SGK3: variants seen among roughly 807,000 people sequenced by gnomAD.
SGK3 encodes the protein serum/glucocorticoid regulated kinase family member 3.
SGK3 carries 47 observed loss-of-function variants against 68.5 expected under a neutral mutation model. The observed-to-expected ratio is 0.69, with a 90% CI of 0.54 to 0.87. SGK3 has a LOEUF of 0.87. Ranked by LOEUF, SGK3 falls within the 40% of genes least tolerant of loss-of-function variation. SGK3 has a pLI of 0.00. For synonymous variants in SGK3, 181 were observed against 189.1 expected, an observed-to-expected ratio of 0.96 and a Z score of 0.35; for missense variants, 479 against 575.5, an observed-to-expected ratio of 0.83 and a Z score of 1.72.
chr8:66,822,304 C>A, intron 5 of SGK3, 68 bp from the exon 6 acceptor site: 1 of 1,407,348 alleles, frequency 7.1e-7, no homozygotes, highest in Admixed American at 2.3e-5. Context: ...TTTTGATTTT[C>A]ATTTTAAAAG....
intron 5 of SGK3, among the ~76,000 whole-genome samples, chr8:66,814,335 TAAAC>T (rs1808496022): frequency 2.0e-5 from 3 of 152,172 alleles, no homozygotes; most frequent in Admixed American, 2.0e-4. Context: ...CATATATTAA[TAAAC>T]AAGTAATTGA....
At chr8:66,743,789 A>C (rs1563605126) in intron 1 of SGK3, among the ~76,000 whole-genome samples, 1 of 152,254 alleles carries the variant, frequency 6.6e-6, no homozygotes, top group Non-Finnish European at 1.5e-5. Flanking sequence ...CTGAGATTAC[A>C]GGCGTGAGCT....
At chr8:66,829,714 A>T (rs1022545480) in intron 7 of SGK3, among the ~76,000 whole-genome samples, 2 of 152,288 alleles carry the variant, frequency 1.3e-5, no homozygotes, top group Non-Finnish European at 2.9e-5. Context: ...AGAGGAGAGG[A>T]CAGCGGGTAG....
At chr8:66,810,149 T>C (rs749915936) in intron 4 of SGK3, among the ~76,000 whole-genome samples, 7 of 152,126 alleles carry the variant, frequency 4.6e-5, no homozygotes, top group Admixed American at 6.6e-5. Flanking sequence ...CATTATGAGA[T>C]AGTGATTTCA....
At chr8:66,841,309 T>G (rs1468793528) in intron 13 of SGK3, among the ~76,000 whole-genome samples, 199 bp downstream of exon 13, 3 of 152,236 alleles carry the variant, frequency 2.0e-5, no homozygotes, top group African/African-American at 7.2e-5. Context: ...TGCAAGACCC[T>G]TTTGAATAAT....
chr8:66,849,644 G>A (rs963897210), intron 15 of SGK3, among the ~76,000 whole-genome samples: 1 of 145,188 alleles, frequency 6.9e-6, no homozygotes, highest in African/African-American at 2.6e-5. Context: ...CACCGATGCT[G>A]GAGTGCAGTG....
intron 1 of SGK3, among the ~76,000 whole-genome samples, chr8:66,723,125 ATATATATTTTTTTT>A (rs1804866240): frequency 5.7e-5 from 3 of 52,222 alleles, no homozygotes; most frequent in African/African-American, 2.8e-4. Flanking sequence ...ATATATATAT[ATATATATTTTTTTT>A]TTTTTTTTTT....
intron 3 of SGK3, among the ~76,000 whole-genome samples, chr8:66,803,915 T>G (rs1164298354): frequency 6.6e-6 from 1 of 152,088 alleles, no homozygotes; most frequent in Admixed American, 6.5e-5. Context: ...AAAGCAAAAT[T>G]CATCTGCTTT....
At chr8:66,827,326 G>A (rs1276717211) in intron 6 of SGK3, among the ~76,000 whole-genome samples, 1 of 146,226 alleles carries the variant, frequency 6.8e-6, no homozygotes, top group East Asian at 2.0e-4. Context: ...AGGTTGCAGT[G>A]AGCCAAGATC....
At chr8:66,736,523 T>C (rs1805318936) in intron 1 of SGK3, among the ~76,000 whole-genome samples, 1 of 152,092 alleles carries the variant, frequency 6.6e-6, no homozygotes, top group Admixed American at 6.6e-5. Context: ...AGCGTTGCCA[T>C]CATAGCCCAC....
At chr8:66,735,215 T>TGTATCCTG (rs1805284597) in intron 1 of SGK3, among the ~76,000 whole-genome samples, 3 of 152,154 alleles carry the variant, frequency 2.0e-5, no homozygotes, top group Admixed American at 1.3e-4. Context: ...AAGTGGCCAA[T>TGTATCCTG]AGTGTAGACT....
chr8:66,847,378 T>C, intron 15 of SGK3, 30 bp downstream of exon 15: 1 of 1,599,972 alleles, frequency 6.3e-7, no homozygotes, highest in Non-Finnish European at 8.5e-7. Context: ...GCTCCAGCTT[T>C]ATTTAAGCTT....
At chr8:66,840,821 G>C in intron 12 of SGK3, 1 of 325,222 alleles carries the variant, frequency 3.1e-6, no homozygotes, top group Non-Finnish European at 5.5e-6. Flanking sequence ...ACGCGCCTGT[G>C]GTCCCAGCTA....
intron 15 of SGK3, among the ~76,000 whole-genome samples, chr8:66,849,482 C>T (rs1012349208): frequency 6.6e-6 from 1 of 152,100 alleles, no homozygotes; most frequent in Non-Finnish European, 1.5e-5. Flanking sequence ...CTACTCTTGT[C>T]CTACTCTTTG....
intron 1 of SGK3, among the ~76,000 whole-genome samples, chr8:66,781,090 C>T (rs1040648516): frequency 2.0e-5 from 3 of 152,140 alleles, no homozygotes; most frequent in African/African-American, 7.2e-5. Flanking sequence ...AGGAATTGGC[C>T]TTGGGCGTGT....
intron 1 of SGK3, among the ~76,000 whole-genome samples, chr8:66,768,739 A>G (rs748606799): frequency 1.3e-5 from 2 of 151,848 alleles, no homozygotes; most frequent in Non-Finnish European, 2.9e-5. Context: ...TAATTTTTGT[A>G]TTTTTAGTAG....
intron 1 of SGK3, among the ~76,000 whole-genome samples, chr8:66,784,250 C>G (rs1807110055): frequency 2.0e-5 from 3 of 152,128 alleles, no homozygotes; most frequent in Non-Finnish European, 1.5e-5. Context: ...CCTTGACCAG[C>G]CCTGTTAGTG....
chr8:66,859,649 T>C lies in SGK3; in HGVS notation c.*68T>C, dbSNP rs1264814225. On this transcript the variant is annotated 3_prime_UTR_variant, in exon 17 of 17. Transcript: ENST00000521198. ...GATGGGACTGAAACTTCTATTTGTG[T>C]GAATATATTCAAATATGTATAACTA... 39 of 1,471,314 alleles carry C rather than the reference T, an allele frequency of 2.7e-5. No individual in the cohort carries two copies. Among genetic ancestry groups the C allele is most frequent in the Non-Finnish European group, 3.6e-5 (39 of 1,097,346 alleles). 91.1% of individuals were successfully genotyped at this position (1,471,314 alleles called of 1,614,324 possible). A position where few individuals can be genotyped will look rare whatever the true frequency, so the allele number is the denominator to read the frequency against.
chr8:66,850,485 G>A (rs1212605157), intron 15 of SGK3, among the ~76,000 whole-genome samples: 1 of 152,100 alleles, frequency 6.6e-6, no homozygotes, highest in African/African-American at 2.4e-5. Flanking sequence ...ACTCTGTAGT[G>A]CTTTATTCTT....
Sources: allele counts gnomAD v4.1 joint callset (sites outside exome capture counted in the v4.1 genomes callset), GRCh38; gene constraint gnomAD v4.1.1; transcripts MANE v1.5; gene names NCBI Gene and HGNC (gene_info 2026-07-23, HGNC 2026-07-21).